The following ARPC4 variants were observed in gnomAD, a reference collection of about 807,000 sequenced individuals.
ARPC4 encodes the protein actin related protein 2/3 complex subunit 4, also known as actin-related protein 2/3 complex subunit 4.
A neutral mutation model predicts 22.8 loss-of-function variants in ARPC4; 3 were observed. The ratio of observed to expected loss-of-function variants is 0.13; its 90% CI spans 0.06 to 0.34. The LOEUF (loss-of-function observed/expected upper bound fraction) is 0.34, where lower values mean the gene tolerates loss of function less well. ARPC4 is among the 10% of genes least tolerant of loss of function. The pLI, the probability that ARPC4 is intolerant of heterozygous loss-of-function variation, is 1.00. For missense variants in ARPC4, 98 were observed against 211.0 expected (o/e 0.46, Z 3.32); for synonymous variants, 80 against 72.5 (o/e 1.10, Z -0.52).
At chr3:9,796,784 A>G (rs565794024) in intron 1 of ARPC4, among the ~76,000 whole-genome samples, 3 of 151,804 alleles carry the variant, frequency 2.0e-5, no homozygotes, top group African/African-American at 7.3e-5. Flanking sequence ...TACTAAAAAT[A>G]CAAAAAGTTA....
At chr3:9,794,706 A>G (rs973099850) in intron 1 of ARPC4, among the ~76,000 whole-genome samples, 1 of 152,022 alleles carries the variant, frequency 6.6e-6, no homozygotes, top group African/African-American at 2.4e-5. Context: ...CAAGTTGTGT[A>G]ACCACTACTG....
At chr3:9,799,996 C>A in intron 2 of ARPC4, 189 bp from the exon 3 acceptor site, 1 of 693,746 alleles carries the variant, frequency 1.4e-6, no homozygotes, top group Non-Finnish European at 2.6e-6. Context: ...CCTTTTCGCC[C>A]TGACTTCAGA....
chr3:9,797,513 A>G, intron 1 of ARPC4, 146 bp from the exon 2 acceptor site: 2 of 792,440 alleles, frequency 2.5e-6, no homozygotes, highest in Non-Finnish European at 3.9e-6. Context: ...AGGCGTCTCG[A>G]AGGCCTAGTC....
At chr3:9,799,765 AT>A in intron 2 of ARPC4, 1 of 434,346 alleles carries the variant, frequency 2.3e-6, no homozygotes, top group Non-Finnish European at 4.6e-6. Flanking sequence ...TGGATTTCAG[AT>A]TTGCAGATTG....
At chr3:9,801,212 G>GAAAAAAAAAAAA (rs745696982) in intron 3 of ARPC4, among the ~76,000 whole-genome samples, 2 of 66,428 alleles carry the variant, frequency 3.0e-5, no homozygotes, top group Non-Finnish European at 5.3e-5. Context: ...TTCCATCTCA[G>GAAAAAAAAAAAA]AAAAAAAAAA....
In ARPC4 at chr3:9,806,191, C is replaced by T. The variant is rs1223055620; in HGVS notation, c.502-19C>T. 1.9e-6 allele frequency: 3 copies of T among 1,613,560 alleles called. No individual in the cohort carries two copies. The highest frequency in any genetic ancestry group is 1.3e-5 in the African/African-American group (1 of 74,916). ...TGCAATAATAACCACCATGCACTGC[C>T]TCTTGGTTCTCTTGACAGTTTTAAA... On this transcript the variant is annotated intron_variant, in intron 5 of 5. Transcript: ENST00000397261.
intron 2 of ARPC4, among the ~76,000 whole-genome samples, chr3:9,799,552 C>T (rs963265059): frequency 6.6e-6 from 1 of 151,878 alleles, no homozygotes; most frequent in African/African-American, 2.4e-5. Flanking sequence ...GAGCAATTCT[C>T]GTGCTTCAGC....
chr3:9,799,818 A>G (rs916983710), intron 2 of ARPC4: 15 of 457,566 alleles, frequency 3.3e-5, no homozygotes, highest in African/African-American at 1.6e-4. Flanking sequence ...TATCTTTTGT[A>G]AAGCTCCTAC....
chr3:9,803,741 G>T, intron 4 of ARPC4, 102 bp from the exon 5 acceptor site: 1 of 1,262,166 alleles, frequency 7.9e-7, no homozygotes, highest in East Asian at 2.3e-5. Flanking sequence ...CAGCCAGTGG[G>T]AAGCATGTGG....
intron 3 of ARPC4, among the ~76,000 whole-genome samples, chr3:9,801,071 C>T (rs1305064416): frequency 1.3e-5 from 2 of 151,642 alleles, no homozygotes; most frequent in Admixed American, 1.3e-4. Context: ...ATTAGCCAGG[C>T]GTGGTGGCAC....
intron 5 of ARPC4, among the ~76,000 whole-genome samples, chr3:9,804,417 T>G (rs927432577): frequency 6.6e-6 from 1 of 152,234 alleles, no homozygotes; most frequent in Non-Finnish European, 1.5e-5. Context: ...ACTTCAGTAC[T>G]TTCCTTCAGC....
intron 3 of ARPC4, among the ~76,000 whole-genome samples, chr3:9,800,642 C>T (rs2078988744): frequency 6.6e-6 from 1 of 152,068 alleles, no homozygotes; most frequent in Admixed American, 6.5e-5. Context: ...CCAGGATGGT[C>T]TCCATCTCCT....
intron 4 of ARPC4, among the ~76,000 whole-genome samples, chr3:9,802,237 CAAAAAAAAAAAAA>C (rs1159841703): frequency 6.0e-5 from 3 of 50,282 alleles, no homozygotes; most frequent in African/African-American, 7.9e-5. Flanking sequence ...GACTCCGTCT[CAAAAAAAAAAAAA>C]AAAAAAAAAA....
At position 9,795,862 on chromosome 3, in the gene ARPC4, G is replaced by A. The variant is rs559697874; in HGVS notation, c.4-1797G>A. On this transcript the variant is annotated intron_variant, in intron 1 of 5. Transcript: ENST00000397261. ...TGTAATCCCAGCACTTTAGGAGGCC[G>A]AGATGGGCGGGTCACTTGAGGTCAG... Among the ~76,000 whole-genome samples the A allele has an allele frequency of 6.6e-5, 10 of 152,308 alleles. No individual in the cohort carries two copies. The South Asian group carries it at 1.4e-3, about 22-fold the overall frequency.
At position 9,803,903 on chromosome 3, in the gene ARPC4, T is replaced by G. The variant is rs939481687; in HGVS notation, c.391T>G (p.Leu131Val). The G allele has an allele frequency of 6.2e-7, 1 of 1,614,232 alleles. No homozygotes were observed. ...CACAGAGCAGATGTACAAACACAAG[T>G]TGGTGGACTTTGTGATCCACTTCAT... is the stretch of plus-strand genomic sequence containing the variant. ...FHTEQMYKHK[L>V]VDFVIHFMEE... The change falls in exon 5 of 6, where the codon TTG (leucine) becomes GTG (valine). Residue 131 changes from leucine to valine, a missense_variant. Physicochemically the swap from Leu to Val is conservative, Grantham distance 32. Coordinates refer to ENST00000397261, the MANE Select transcript of ARPC4 (RefSeq NM_005718.5).
At chr3:9,805,338 A>C (rs1442874878) in intron 5 of ARPC4, among the ~76,000 whole-genome samples, 3 of 152,200 alleles carry the variant, frequency 2.0e-5, no homozygotes, top group African/African-American at 2.4e-5. Flanking sequence ...CACCTGTCCA[A>C]AGTCCCTCAG....
intron 2 of ARPC4, among the ~76,000 whole-genome samples, chr3:9,799,356 T>G (rs2078961690): frequency 6.6e-6 from 1 of 152,188 alleles, no homozygotes; most frequent in Non-Finnish European, 1.5e-5. Flanking sequence ...TTGCAGATAC[T>G]TAACCAGTTG....
upstream of ARPC4, chr3:9,793,073 G>C (rs1575314886): frequency 6.5e-7 from 1 of 1,545,592 alleles, no homozygotes; most frequent in Non-Finnish European, 8.7e-7. Context: ...AGGCATCGCG[G>C]GGCTGGCCAC....
At chr3:9,799,860 C>T in intron 2 of ARPC4, 1 of 496,734 alleles carries the variant, frequency 2.0e-6, no homozygotes, top group Non-Finnish European at 3.9e-6. Context: ...GACATTTGAC[C>T]CTTTTTGATC....
Sources: allele counts gnomAD v4.1 joint callset (sites outside exome capture counted in the v4.1 genomes callset), GRCh38; gene constraint gnomAD v4.1.1; transcripts MANE v1.5; gene names NCBI Gene and HGNC (gene_info 2026-07-23, HGNC 2026-07-21).